The following PTPRG variants were observed in gnomAD, a reference collection of about 807,000 sequenced individuals.
PTPRG encodes the protein receptor-type tyrosine-protein phosphatase gamma.
PTPRG carries 102 observed loss-of-function variants against 165.3 expected under a neutral mutation model. That is an observed-to-expected ratio of 0.62 (90% confidence interval 0.53 to 0.73). The LOEUF is 0.73. Ranked by LOEUF, PTPRG falls within the 30% of genes least tolerant of loss-of-function variation. The pLI, the probability that PTPRG is intolerant of heterozygous loss-of-function variation, is 0.00. For missense variants in PTPRG, 1,866 were observed against 1,861.4 expected, an observed-to-expected ratio of 1.00 and a Z score of -0.05; for synonymous variants, 675 against 669.5, an observed-to-expected ratio of 1.01 and a Z score of -0.13.
intron 1 of PTPRG, among the ~76,000 whole-genome samples, chr3:61,736,456 T>C (rs992058833): frequency 1.3e-5 from 2 of 152,012 alleles, no homozygotes; most frequent in Non-Finnish European, 2.9e-5. Context: ...TATTATCTTT[T>C]TTTTCCCCCA....
chr3:61,624,535 G>C (rs1246054861), intron 1 of PTPRG, among the ~76,000 whole-genome samples: 1 of 152,132 alleles, frequency 6.6e-6, no homozygotes, highest in African/African-American at 2.4e-5. Context: ...AAAGCCCAAG[G>C]GCATCGCAAA....
chr3:61,718,041 A>G (rs960367364), intron 1 of PTPRG, among the ~76,000 whole-genome samples: 4 of 150,080 alleles, frequency 2.7e-5, no homozygotes, highest in African/African-American at 9.8e-5. Flanking sequence ...TTAGCCGGGC[A>G]TGGTGGTGCG....
chr3:62,256,709 C>T (rs978614247), intron 16 of PTPRG, among the ~76,000 whole-genome samples: 4 of 152,032 alleles, frequency 2.6e-5, no homozygotes, highest in African/African-American at 9.7e-5. Flanking sequence ...TCTAGAGAGC[C>T]GAATTTGATC....
intron 2 of PTPRG, among the ~76,000 whole-genome samples, chr3:61,957,097 C>T (rs1366923905): frequency 2.0e-5 from 3 of 152,172 alleles, no homozygotes; most frequent in South Asian, 2.1e-4. Context: ...CTATAAATAT[C>T]ACCTGAAACA....
chr3:61,887,441 T>G (rs1021669927), intron 2 of PTPRG, among the ~76,000 whole-genome samples: 2 of 152,078 alleles, frequency 1.3e-5, no homozygotes, highest in Non-Finnish European at 2.9e-5. Context: ...GTGTACTGTT[T>G]ACAAACATGT....
chr3:61,837,098 A>G (rs779676828), intron 2 of PTPRG, among the ~76,000 whole-genome samples: 2 of 152,108 alleles, frequency 1.3e-5, no homozygotes, highest in Non-Finnish European at 2.9e-5. Context: ...TATTTTTGTA[A>G]AGATGGGTTT....
intron 4 of PTPRG, among the ~76,000 whole-genome samples, chr3:62,006,801 A>G (rs1260691455): frequency 1.3e-5 from 2 of 152,192 alleles, no homozygotes; most frequent in African/African-American, 4.8e-5. Flanking sequence ...ATACTGCTAT[A>G]CATTCCAATG....
Position 62,219,302 on chromosome 3 carries a change from T to G in PTPRG, c.2288+319T>G, listed in dbSNP as rs184152089. Among the ~76,000 whole-genome samples the G allele has an allele frequency of 2.0e-3, 309 of 152,362 alleles. 2 individuals are homozygous for G. Among genetic ancestry groups the G allele is most frequent in the African/African-American group, 7.0e-3 (291 of 41,590 alleles). On this transcript the variant is annotated intron_variant, in intron 13 of 29. Transcript: ENST00000474889. The surrounding 1 kb of genome is among the most constrained non-coding windows in gnomAD (Gnocchi z 4.5). Reference sequence around the variant, plus strand: ...ATCCCGTGTCCACTTTGATTGTTAGTTTCAGAACCAGCAAAATGAGTTAAC... The same window carrying G: ...ATCCCGTGTCCACTTTGATTGTTAGGTTCAGAACCAGCAAAATGAGTTAAC...
At chr3:62,011,275 A>C (rs2041417504) in intron 4 of PTPRG, among the ~76,000 whole-genome samples, 1 of 152,212 alleles carries the variant, frequency 6.6e-6, no homozygotes, top group Non-Finnish European at 1.5e-5. Flanking sequence ...TATCTGCACA[A>C]AGTATCTGGT....
intron 8 of PTPRG, among the ~76,000 whole-genome samples, chr3:62,178,273 G>GGAT (rs1224664236): frequency 2.6e-5 from 4 of 152,080 alleles, no homozygotes; most frequent in Admixed American, 6.6e-5. Flanking sequence ...ATGGAGGGAT[G>GGAT]GATGGGAGGA....
intron 1 of PTPRG, among the ~76,000 whole-genome samples, chr3:61,586,168 T>C (rs1333397352): frequency 6.6e-6 from 1 of 152,188 alleles, no homozygotes; most frequent in East Asian, 1.9e-4. Flanking sequence ...GGGTGATAGA[T>C]TCCTCTGATT....
At chr3:61,607,228 A>T (rs1477810826) in intron 1 of PTPRG, among the ~76,000 whole-genome samples, 1 of 152,208 alleles carries the variant, frequency 6.6e-6, no homozygotes, top group East Asian at 1.9e-4. Context: ...CTGTAGTGGT[A>T]TGGACAGCCA....
intron 2 of PTPRG, among the ~76,000 whole-genome samples, chr3:61,829,044 A>G (rs1391825981): frequency 6.6e-6 from 1 of 152,068 alleles, no homozygotes; most frequent in African/African-American, 2.4e-5. Context: ...CGTGGTGTGT[A>G]TGTGTGTGCA....
intron 2 of PTPRG, among the ~76,000 whole-genome samples, chr3:61,807,698 G>C (rs992391003): frequency 6.6e-6 from 1 of 152,108 alleles, no homozygotes; most frequent in Non-Finnish European, 1.5e-5. Context: ...TCATAAATGT[G>C]TTCATGTAAG....
intron 5 of PTPRG, among the ~76,000 whole-genome samples, chr3:62,108,778 C>G (rs1702563162): frequency 6.6e-6 from 1 of 152,134 alleles, no homozygotes; most frequent in Admixed American, 6.5e-5. Flanking sequence ...TTTTGATTTG[C>G]ATTTCTCTAA....
In PTPRG at chr3:62,219,629, C is replaced by A. The variant is rs530595156; in HGVS notation, c.2288+646C>A. On this transcript the variant is annotated intron_variant, in intron 13 of 29. Transcript: ENST00000474889. This position sits in a 1 kb window ranked among gnomAD's most constrained non-coding sequence, Gnocchi z 4.5. ...GCTGAGCAACTCCGTCAAGCCCACT[C>A]GTTTGGCCTGGGTGCCCTCACCTCT... Among the ~76,000 whole-genome samples, 37 of 152,320 alleles carry A rather than the reference C, an allele frequency of 2.4e-4. No individual in the cohort carries two copies. Among genetic ancestry groups the A allele is most frequent in the African/African-American group, 8.4e-4 (35 of 41,568 alleles).
intron 1 of PTPRG, among the ~76,000 whole-genome samples, chr3:61,674,376 A>T (rs1328950865): frequency 1.3e-5 from 2 of 149,988 alleles, no homozygotes; most frequent in Non-Finnish European, 3.0e-5. Flanking sequence ...GATCCCAGCT[A>T]CTCAGGAGGC....
intron 4 of PTPRG, 77 bp downstream of exon 4, chr3:62,003,574 A>G (rs777825354): frequency 1.3e-6 from 2 of 1,558,960 alleles, no homozygotes; most frequent in Admixed American, 1.8e-5. Flanking sequence ...CCTTACCCTC[A>G]GTCATTTTGC....
chr3:61,844,729 C>T (rs1460071673), intron 2 of PTPRG, among the ~76,000 whole-genome samples: 4 of 151,828 alleles, frequency 2.6e-5, no homozygotes, highest in African/African-American at 9.7e-5. Context: ...TCTCGAACTC[C>T]TGGCCTCAAG....
Sources: gnomAD v4.1 joint callset for allele counts (sites outside exome capture counted in the v4.1 genomes callset) on GRCh38, gnomAD v4.1.1 for gene constraint, Gnocchi (gnomAD v3.1) non-coding constraint, MANE v1.5 for transcripts, NCBI Gene and HGNC (gene_info 2026-07-23, HGNC 2026-07-21) for gene names.